SHROOM3: variants seen among roughly 807,000 people sequenced by gnomAD.
The protein encoded by SHROOM3 is protein Shroom3.
Under a neutral mutation model 138.6 loss-of-function variants are expected in SHROOM3, and 47 were observed. That is an observed-to-expected ratio of 0.34 (90% CI 0.27 to 0.43). The LOEUF (loss-of-function observed/expected upper bound fraction) is 0.43, where lower values mean the gene tolerates loss of function less well. SHROOM3 is among the 20% of genes least tolerant of loss of function. The probability of loss-of-function intolerance (pLI) is 1.00; values close to 1 mark genes in which losing one functional copy is unlikely to be tolerated. For synonymous variants in SHROOM3, 1,062 were observed against 1,063.3 expected (o/e 1.00, Z 0.02); for missense variants, 2,491 against 2,596.5 (o/e 0.96, Z 0.88).
intron 1 of SHROOM3, among the ~76,000 whole-genome samples, chr4:76,546,904 T>C (rs7672117): frequency 0.38 from 57,607 of 151,752 alleles, 11,311 homozygotes; most frequent in Middle Eastern, 0.48. Flanking sequence ...ACATAAAAAG[T>C]TGGCTAAATT....
At position 76,741,364 on chromosome 4, in the gene SHROOM3, A is replaced by C. The variant is rs2110134970; in HGVS notation, c.3191A>C (p.Asp1064Ala). The change falls in exon 5 of 11, where the codon GAT becomes GCT. Residue 1064 changes from aspartate (D) to alanine (A), a missense_variant. Physicochemically the swap from Asp to Ala is moderately radical, Grantham distance 126. Transcript: ENST00000296043. The surrounding 1 kb of genome is among the most constrained non-coding windows in gnomAD (Gnocchi z 6.2). ...GACCGGCGCCGTCTCTTCGAGCGCG[A>C]TGGCAAGGCCTGCTCCACGCTCAGC... ...VADRRRLFER[D>A]GKACSTLSLS... 6.2e-7 allele frequency: 1 copy of C among 1,607,480 alleles called. No homozygotes were observed.
intron 2 of SHROOM3, among the ~76,000 whole-genome samples, chr4:76,668,424 T>C (rs976290141): frequency 4.6e-5 from 7 of 151,870 alleles, no homozygotes; most frequent in Admixed American, 1.3e-4. Flanking sequence ...ACAACAAAAA[T>C]TAGCCGGACG....
intron 2 of SHROOM3, among the ~76,000 whole-genome samples, chr4:76,558,645 C>T (rs1405736553): frequency 1.3e-5 from 2 of 152,102 alleles, no homozygotes; most frequent in African/African-American, 4.8e-5. Flanking sequence ...TCACAAGAAA[C>T]TGAAGGATAT....
chr4:76,579,423 G>C (rs566508309), intron 2 of SHROOM3, among the ~76,000 whole-genome samples: 16 of 152,338 alleles, frequency 1.1e-4, no homozygotes, highest in Admixed American at 2.6e-4. Flanking sequence ...AGCCGAGATC[G>C]TGCCACTGCA....
intron 2 of SHROOM3, among the ~76,000 whole-genome samples, chr4:76,667,841 G>A (rs1293223756): frequency 1.3e-5 from 2 of 151,180 alleles, no homozygotes; most frequent in Non-Finnish European, 2.9e-5. Context: ...GGTGGCGCCC[G>A]CCTGTAGTCC....
At chr4:76,480,643 A>G (rs1017832143) in intron 1 of SHROOM3, among the ~76,000 whole-genome samples, 2 of 152,226 alleles carry the variant, frequency 1.3e-5, no homozygotes, top group African/African-American at 4.8e-5. Flanking sequence ...CCTAATAGAC[A>G]TCTACAGAAC....
In SHROOM3 at chr4:76,554,699, C is replaced by T. The variant is rs954097317; in HGVS notation, c.169-910C>T. 1.2e-4 allele frequency among the ~76,000 whole-genome samples: 19 copies of T among 152,154 alleles called. 1 individual carries two copies. The highest frequency in any genetic ancestry group is 4.6e-4 in the African/African-American group (19 of 41,428). On this transcript the variant is annotated intron_variant, in intron 1 of 10. Transcript: ENST00000296043. ...CTTCCCAAAGTGCTGGGATTACAGG[C>T]ATGAGCCACCGTACCCGGCCAGAGG... is the stretch of plus-strand genomic sequence containing the variant.
At chr4:76,774,619 G>A (rs1324338630) in intron 10 of SHROOM3, among the ~76,000 whole-genome samples, 4 of 151,172 alleles carry the variant, frequency 2.6e-5, no homozygotes, top group African/African-American at 4.9e-5. Context: ...TAAGGTAGGT[G>A]ATGAAAAAAT....
intron 2 of SHROOM3, among the ~76,000 whole-genome samples, chr4:76,580,096 T>C (rs964630777): frequency 1.3e-5 from 2 of 152,230 alleles, no homozygotes; most frequent in African/African-American, 4.8e-5. Context: ...AGGAAAAATG[T>C]TCTCTTCACT....
intron 8 of SHROOM3, among the ~76,000 whole-genome samples, chr4:76,758,773 A>G (rs1295821044): frequency 6.6e-6 from 1 of 152,216 alleles, no homozygotes; most frequent in African/African-American, 2.4e-5. Flanking sequence ...ATGTTAAATA[A>G]TATCACAAGA....
intron 2 of SHROOM3, among the ~76,000 whole-genome samples, chr4:76,589,513 A>G (rs1734222034): frequency 6.6e-6 from 1 of 152,032 alleles, no homozygotes; most frequent in Admixed American, 6.5e-5. Context: ...CAGTCACTGA[A>G]GGAGGACTTT....
intron 1 of SHROOM3, among the ~76,000 whole-genome samples, chr4:76,549,628 A>C (rs541468713): frequency 6.0e-4 from 92 of 152,190 alleles, no homozygotes; most frequent in African/African-American, 2.1e-3. Context: ...TGGCCTCCCA[A>C]AGTGCTGGGA....
rs1252225689 is a variant in SHROOM3, at chr4:76,739,497, A to G, written c.1324A>G (p.Asn442Asp). The G allele has an allele frequency of 6.2e-7, 1 of 1,613,988 alleles. No individual in the cohort carries two copies. Among genetic ancestry groups the G allele is most frequent in the Non-Finnish European group, 8.5e-7 (1 of 1,180,002 alleles). The change falls in exon 5 of 11, where the codon AAC (asparagine) becomes GAC (aspartate). Residue 442 changes from asparagine to aspartate, a missense_variant. By Grantham distance (23) the Asn-to-Asp change is conservative. Coordinates refer to ENST00000296043, the MANE Select transcript of SHROOM3 (RefSeq NM_020859.4). ...TACTGTGCTGGAGAAGAGTCCAGAG[A>G]ACAGCCCCCCAGTGAAGCCCAAGCA... is the stretch of plus-strand genomic sequence containing the variant. The part of the protein sequence containing the change: ...LHTVLEKSPE[N>D]SPPVKPKHNY...
intron 2 of SHROOM3, among the ~76,000 whole-genome samples, chr4:76,693,210 C>G (rs1309663168): frequency 6.6e-6 from 1 of 152,060 alleles, no homozygotes; most frequent in Non-Finnish European, 1.5e-5. Flanking sequence ...ATGTCAACTA[C>G]TATTTCCAGG....
At chr4:76,688,245 A>C (rs1380112586) in intron 2 of SHROOM3, 2 of 265,884 alleles carry the variant, frequency 7.5e-6, no homozygotes, top group Non-Finnish European at 1.2e-5. Flanking sequence ...AATTTTAAGG[A>C]GGATAATACT....
intron 6 of SHROOM3, among the ~76,000 whole-genome samples, chr4:76,750,700 A>G (rs1578017988): frequency 6.6e-6 from 1 of 152,088 alleles, no homozygotes; most frequent in African/African-American, 2.4e-5. Context: ...TGAAGGTGAC[A>G]GGTGAGGGGG....
At chr4:76,553,042 G>A (rs1733398091) in intron 1 of SHROOM3, among the ~76,000 whole-genome samples, 1 of 152,176 alleles carries the variant, frequency 6.6e-6, no homozygotes, top group Admixed American at 6.5e-5. Flanking sequence ...AGATCAAAAG[G>A]TTTTTGTCTA....
intron 2 of SHROOM3, among the ~76,000 whole-genome samples, chr4:76,629,729 C>T (rs1735259538): frequency 6.6e-6 from 1 of 152,158 alleles, no homozygotes; most frequent in South Asian, 2.1e-4. Flanking sequence ...AGAAGTCAAG[C>T]TTTTAGTGTT....
chr4:76,684,932 T>TTAAC (rs1403685885), intron 2 of SHROOM3, among the ~76,000 whole-genome samples: 1 of 152,248 alleles, frequency 6.6e-6, no homozygotes, highest in East Asian at 1.9e-4. Flanking sequence ...AGTTTCCATT[T>TTAAC]TAACATCTTC....
Sources: gnomAD v4.1 joint callset for allele counts (sites outside exome capture counted in the v4.1 genomes callset) on GRCh38, gnomAD v4.1.1 for gene constraint, Gnocchi (gnomAD v3.1) non-coding constraint, MANE v1.5 for transcripts, NCBI Gene and HGNC (gene_info 2026-07-23, HGNC 2026-07-21) for gene names.